ETV1: variants seen among roughly 807,000 people sequenced by gnomAD.
ETV1 encodes the protein ETS translocation variant 1.
In ETV1, 27 loss-of-function variants were observed where a neutral mutation model predicts 62.3. The ratio of observed to expected loss-of-function variants is 0.43; its 90% CI spans 0.32 to 0.60. The LOEUF is 0.60. Ranked by LOEUF, ETV1 falls within the 20% of genes least tolerant of loss-of-function variation. The pLI is 0.06. For synonymous variants in ETV1, 222 were observed against 199.6 expected (o/e 1.11, Z -0.94); for missense variants, 605 against 605.8 (o/e 1.00, Z 0.01).
At chr7:13,953,292 T>C (rs929993650) in intron 6 of ETV1, among the ~76,000 whole-genome samples, 1 of 152,200 alleles carries the variant, frequency 6.6e-6, no homozygotes, top group Non-Finnish European at 1.5e-5. Context: ...AAATTTGCTA[T>C]ACTTAATAAA....
At chr7:13,948,342 G>C (rs184503035) in intron 6 of ETV1, among the ~76,000 whole-genome samples, 666 of 152,276 alleles carry the variant, frequency 4.4e-3, no homozygotes, top group Admixed American at 6.7e-3. Context: ...TCTGTGAGTA[G>C]CAAACAATTA....
intron 13 of ETV1, among the ~76,000 whole-genome samples, chr7:13,898,364 T>G (rs1335694457): frequency 6.6e-6 from 1 of 152,160 alleles, no homozygotes; most frequent in African/African-American, 2.4e-5. Flanking sequence ...AGAAGTAATA[T>G]GGGGATACTG....
In ETV1 at chr7:13,893,602, A is replaced by C. The variant is rs1781530043; in HGVS notation, c.*2264T>G. The C allele has an allele frequency of 4.3e-6, 1 of 232,102 alleles. No individual in the cohort carries two copies. Among genetic ancestry groups the C allele is most frequent in the Non-Finnish European group, 8.5e-6 (1 of 117,510 alleles). 14.4% of individuals were successfully genotyped at this position (232,102 alleles called of 1,614,324 possible). A position where few individuals can be genotyped will look rare whatever the true frequency, so the allele number is the denominator to read the frequency against. ...CTGACTGACTAAAACTAGACTATTA[A>C]AAAGAAGAAAAAGGAGAAAAGAGAA... On this transcript the variant is annotated 3_prime_UTR_variant, in exon 14 of 14. Coordinates refer to ENST00000430479, the MANE Select transcript of ETV1 (RefSeq NM_004956.5).
intron 12 of ETV1, among the ~76,000 whole-genome samples, chr7:13,905,285 T>C (rs1272726452): frequency 2.0e-5 from 3 of 152,140 alleles, no homozygotes; most frequent in East Asian, 1.9e-4. Context: ...GGTGTGGATG[T>C]TCAGTGTATA....
At chr7:13,911,965 T>A (rs1236236994) in intron 9 of ETV1, among the ~76,000 whole-genome samples, 3 of 152,236 alleles carry the variant, frequency 2.0e-5, no homozygotes, top group African/African-American at 7.2e-5. Context: ...AATGCTATTT[T>A]GATTTATTCC....
intron 6 of ETV1, among the ~76,000 whole-genome samples, chr7:13,973,128 C>G (rs895506083): frequency 1.3e-5 from 2 of 152,162 alleles, no homozygotes; most frequent in African/African-American, 4.8e-5. Flanking sequence ...TATTATTCTA[C>G]ATGCATTTAA....
At position 13,931,543 on chromosome 7, in the gene ETV1, AGAG is replaced by A. The variant is rs781746857; in HGVS notation, c.758_760del (p.Pro253del). On this transcript the variant is annotated inframe_deletion, in exon 9 of 14. Transcript: ENST00000430479. ...ATCTCTGGGTTCCTGTTTAATCATC[AGAG>A]GAGGGGGAAAGCTTTGGCTGGCCGC... 6.2e-7 allele frequency: 1 copy of A among 1,613,950 alleles called. No individual in the cohort carries two copies. The highest frequency in any genetic ancestry group is 1.3e-5 in the African/African-American group (1 of 74,952).
At chr7:13,974,680 A>G (rs1202860429) in intron 6 of ETV1, among the ~76,000 whole-genome samples, 1 of 152,260 alleles carries the variant, frequency 6.6e-6, no homozygotes, top group African/African-American at 2.4e-5. Context: ...TTTGAGGTTT[A>G]TTGTAAAGAA....
intron 6 of ETV1, chr7:13,958,634 C>A (rs1037829620): frequency 2.6e-5 from 4 of 152,168 alleles, no homozygotes; most frequent in Non-Finnish European, 4.4e-5. Context: ...TTAGTTTTGG[C>A]ACACAGCTCT....
At chr7:13,938,824 G>T (rs1266056899) in intron 7 of ETV1, among the ~76,000 whole-genome samples, 1 of 152,064 alleles carries the variant, frequency 6.6e-6, no homozygotes, top group Non-Finnish European at 1.5e-5. Flanking sequence ...ATTCTAATGG[G>T]AACTTTCAAA....
At chr7:13,958,344 C>G (rs1010787531) in intron 6 of ETV1, among the ~76,000 whole-genome samples, 14 of 152,082 alleles carry the variant, frequency 9.2e-5, no homozygotes, top group Admixed American at 2.0e-4. Context: ...ACAAAATGAC[C>G]TATCAAACTT....
Position 13,988,176 on chromosome 7 carries a change from A to G in ETV1, c.46-3T>C. On this transcript the variant is annotated splice_region_variant and splice_polypyrimidine_tract_variant and intron_variant, in intron 3 of 13. Coordinates refer to ENST00000430479, the MANE Select transcript of ETV1 (RefSeq NM_004956.5). ...TTACAATTTCTCCCACGCTGACTCTACAAAGGGAAAGATAAAATCCTTTAA... is the reference window on the plus strand; with the variant it reads ...TTACAATTTCTCCCACGCTGACTCTGCAAAGGGAAAGATAAAATCCTTTAA... 1.3e-6 allele frequency: 2 copies of G among 1,599,688 alleles called. No homozygotes were observed. The highest frequency in any genetic ancestry group is 1.7e-5 in the Admixed American group (1 of 59,970).
intron 12 of ETV1, among the ~76,000 whole-genome samples, chr7:13,901,828 A>C (rs530711410): frequency 1.6e-4 from 24 of 152,334 alleles, no homozygotes; most frequent in African/African-American, 5.8e-4. Context: ...TCCACAAACA[A>C]AAATCTCTAA....
intron 6 of ETV1, among the ~76,000 whole-genome samples, chr7:13,954,970 C>A (rs1789247680): frequency 6.6e-6 from 1 of 152,088 alleles, no homozygotes; most frequent in Admixed American, 6.6e-5. Flanking sequence ...GCCAAAATAA[C>A]AAAGATAGAG....
chr7:13,988,894 C>A, intron 3 of ETV1, 114 bp downstream of exon 3: 1 of 1,540,870 alleles, frequency 6.5e-7, no homozygotes, highest in Non-Finnish European at 8.9e-7. Flanking sequence ...GGCAACAAAG[C>A]AGATAAGTAT....
At chr7:13,938,403 G>C (rs1280515468) in intron 7 of ETV1, among the ~76,000 whole-genome samples, 2 of 152,198 alleles carry the variant, frequency 1.3e-5, no homozygotes, top group Non-Finnish European at 2.9e-5. Flanking sequence ...ATTTGTGTAA[G>C]TTTGCAAACT....
intron 9 of ETV1, among the ~76,000 whole-genome samples, chr7:13,915,366 G>C (rs1379118554): frequency 6.6e-6 from 1 of 152,142 alleles, no homozygotes; most frequent in East Asian, 1.9e-4. Flanking sequence ...ATACCTAGGA[G>C]TTTCAACTAG....
intron 6 of ETV1, among the ~76,000 whole-genome samples, chr7:13,940,523 A>C (rs1453830357): frequency 6.6e-6 from 1 of 152,190 alleles, no homozygotes; most frequent in Non-Finnish European, 1.5e-5. Context: ...AATCATAAGA[A>C]TAGATTCTGT....
At chr7:13,920,441 AGTGTGTGTGTGT>A (rs4027263) in intron 9 of ETV1, among the ~76,000 whole-genome samples, 1 of 148,430 alleles carries the variant, frequency 6.7e-6, no homozygotes, top group Non-Finnish European at 1.5e-5. Flanking sequence ...AGAGTGAGTG[AGTGTGTGTGTGT>A]GTGTGTGTGT....
Sources: gnomAD v4.1 joint callset for allele counts (sites outside exome capture counted in the v4.1 genomes callset) on GRCh38, gnomAD v4.1.1 for gene constraint, MANE v1.5 for transcripts, NCBI Gene and HGNC (gene_info 2026-07-23, HGNC 2026-07-21) for gene names.